The following MREG variants were observed in gnomAD, a reference collection of about 807,000 sequenced individuals.
MREG encodes melanoregulin.
In MREG, 31 loss-of-function variants were observed where a neutral mutation model predicts 28.5. That is an observed-to-expected ratio of 1.09 (90% CI 0.82 to 1.47). The LOEUF (loss-of-function observed/expected upper bound fraction) is 1.47, where lower values mean the gene tolerates loss of function less well. MREG is among the 40% of genes most tolerant of loss of function. The pLI, the probability that MREG is intolerant of heterozygous loss-of-function variation, is 0.00. For synonymous variants in MREG, 106 were observed against 95.2 expected, an observed-to-expected ratio of 1.11 and a Z score of -0.66; for missense variants, 256 against 257.4, an observed-to-expected ratio of 0.99 and a Z score of 0.04.
At chr2:215,957,053 T>C (rs1395276877) in intron 2 of MREG, among the ~76,000 whole-genome samples, 3 of 152,022 alleles carry the variant, frequency 2.0e-5, no homozygotes, top group Non-Finnish European at 2.9e-5. Flanking sequence ...GGCTGACACA[T>C]TGAGCCACCA....
chr2:215,978,174 G>A (rs970940519), intron 2 of MREG, among the ~76,000 whole-genome samples: 1 of 152,052 alleles, frequency 6.6e-6, no homozygotes, highest in East Asian at 1.9e-4. Flanking sequence ...GAATCAAATA[G>A]ATGCAATAAA....
chr2:215,955,923 AG>A (rs1692614495), intron 2 of MREG, among the ~76,000 whole-genome samples: 1 of 152,212 alleles, frequency 6.6e-6, no homozygotes, highest in African/African-American at 2.4e-5. Context: ...TGTTGATGTC[AG>A]TCTGGAGAAA....
At chr2:215,960,165 C>A (rs1037605098) in intron 2 of MREG, among the ~76,000 whole-genome samples, 3 of 152,156 alleles carry the variant, frequency 2.0e-5, no homozygotes, top group Non-Finnish European at 2.9e-5. Context: ...CCATGTTAGC[C>A]AGGATGATCT....
intron 2 of MREG, among the ~76,000 whole-genome samples, chr2:215,973,860 T>A (rs1693171614): frequency 6.6e-6 from 1 of 152,198 alleles, no homozygotes; most frequent in Non-Finnish European, 1.5e-5. Flanking sequence ...TACTTCTTAG[T>A]TGAAAAATGC....
intron 2 of MREG, among the ~76,000 whole-genome samples, chr2:215,949,065 ACTACTACTAC>A (rs1692398853): frequency 2.1e-5 from 3 of 142,248 alleles, no homozygotes; most frequent in Non-Finnish European, 3.0e-5. Flanking sequence ...TACTACTACT[ACTACTACTAC>A]TACTACTACT....
intron 1 of MREG, among the ~76,000 whole-genome samples, chr2:216,001,866 G>C (rs1315094509): frequency 6.6e-6 from 1 of 152,072 alleles, no homozygotes; most frequent in Non-Finnish European, 1.5e-5. Context: ...TACAGCAAAT[G>C]GCCTAAAGAG....
chr2:215,942,192 C>G (rs907841448), downstream of MREG, among the ~76,000 whole-genome samples: 3 of 152,262 alleles, frequency 2.0e-5, no homozygotes, highest in Non-Finnish European at 2.9e-5. Context: ...ATAAAAACTT[C>G]CATCCATCTA....
intron 2 of MREG, among the ~76,000 whole-genome samples, chr2:215,984,916 T>C (rs140090525): frequency 2.0e-5 from 3 of 152,352 alleles, no homozygotes; most frequent in East Asian, 1.9e-4. Context: ...ACTTTGCTTA[T>C]ACATTTTGAA....
At chr2:216,030,629 C>T (rs898891722) in intron 1 of MREG, among the ~76,000 whole-genome samples, 10 of 151,944 alleles carry the variant, frequency 6.6e-5, no homozygotes, top group Non-Finnish European at 1.3e-4. Flanking sequence ...CTGCAACCTC[C>T]GCCCCCAGGT....
In MREG at chr2:215,996,401, T is replaced by C; in HGVS notation, c.160A>G (p.Ser54Gly). Residue 54 changes from serine (S) to glycine (G), a missense_variant, in exon 2 of 5, where the codon AGT becomes GGT. Ser to Gly is a moderately conservative substitution (Grantham distance 56, BLOSUM62 0). Transcript: ENST00000263268. ...GTGTGGGACACATCATGGGGCATAC[T>C]CCATAAATTCTTCTCATCATCCCTC... is the stretch of plus-strand genomic sequence containing the variant. ...LVRDDEKNLW[S>G]MPHDVSHTEA... 1 of 1,613,492 alleles carries C rather than the reference T, an allele frequency of 6.2e-7. No homozygotes were observed. Among genetic ancestry groups the C allele is most frequent in the Non-Finnish European group, 8.5e-7 (1 of 1,179,416 alleles).
At chr2:216,031,562 G>A (rs1203665431) in intron 1 of MREG, among the ~76,000 whole-genome samples, 1 of 138,346 alleles carries the variant, frequency 7.2e-6, no homozygotes, top group Admixed American at 7.5e-5. Flanking sequence ...AGGGAGGGAG[G>A]GAAGGAAGGA....
At chr2:216,021,377 T>A (rs1025895075) in intron 1 of MREG, among the ~76,000 whole-genome samples, 2 of 152,178 alleles carry the variant, frequency 1.3e-5, no homozygotes, top group African/African-American at 4.8e-5. Context: ...CGTGAGCCAC[T>A]GTACCCGGCT....
At chr2:215,945,071 T>C (rs1478966524) in intron 4 of MREG, 74 bp from the exon 5 acceptor site, 3 of 1,432,908 alleles carry the variant, frequency 2.1e-6, no homozygotes, top group Non-Finnish European at 1.9e-6. Flanking sequence ...GAAAAAGCAA[T>C]CTAACAACAA....
At chr2:215,958,163 A>G (rs989015508) in intron 2 of MREG, among the ~76,000 whole-genome samples, 3 of 151,722 alleles carry the variant, frequency 2.0e-5, no homozygotes, top group Non-Finnish European at 4.4e-5. Flanking sequence ...GCTAAATGAC[A>G]AGTTAATGGG....
intron 2 of MREG, among the ~76,000 whole-genome samples, chr2:215,977,600 C>T (rs1483068530): frequency 6.6e-6 from 1 of 152,194 alleles, no homozygotes; most frequent in African/African-American, 2.4e-5. Flanking sequence ...CCACATTGCA[C>T]TTATTCCAAA....
At chr2:216,015,715 C>T (rs1000983591), upstream of MREG, among the ~76,000 whole-genome samples, 2 of 151,978 alleles carry the variant, frequency 1.3e-5, no homozygotes, top group Non-Finnish European at 2.9e-5. Flanking sequence ...TGGTAGCAGT[C>T]GAGGTGGTAA....
chr2:215,956,733 T>A (rs1036306965), intron 2 of MREG, among the ~76,000 whole-genome samples: 32 of 152,108 alleles, frequency 2.1e-4, no homozygotes, highest in African/African-American at 7.5e-4. Flanking sequence ...AGAGATGAGG[T>A]CTCACTATGT....
chr2:215,962,713 C>G (rs777955953), intron 2 of MREG, among the ~76,000 whole-genome samples: 1 of 150,978 alleles, frequency 6.6e-6, no homozygotes, highest in African/African-American at 2.5e-5. Context: ...CTTGCTATCC[C>G]TCCACATCCA....
chr2:216,003,496 C>T (rs2106025094), intron 1 of MREG, among the ~76,000 whole-genome samples: 1 of 152,298 alleles, frequency 6.6e-6, no homozygotes, highest in East Asian at 1.9e-4. Flanking sequence ...CTTTCATTCA[C>T]ACCTGGTCAC....
Sources: gnomAD v4.1 joint callset for allele counts (sites outside exome capture counted in the v4.1 genomes callset) on GRCh38, gnomAD v4.1.1 for gene constraint, MANE v1.5 for transcripts, NCBI Gene and HGNC (gene_info 2026-07-23, HGNC 2026-07-21) for gene names.